Variants in TSEN15 observed in about 807,000 individuals in gnomAD.
The protein encoded by TSEN15 is tRNA splicing endonuclease subunit 15, also known as tRNA-splicing endonuclease subunit Sen15.
TSEN15 carries 10 observed loss-of-function variants against 20.5 expected under a neutral mutation model. The observed-to-expected ratio is 0.49, with a 90% confidence interval of 0.30 to 0.83. TSEN15 has a LOEUF of 0.83. Ranked by LOEUF, TSEN15 falls within the 40% of genes least tolerant of loss-of-function variation. The pLI is 0.06. For missense variants in TSEN15, 180 were observed against 218.6 expected, an observed-to-expected ratio of 0.82 and a Z score of 1.11; for synonymous variants, 72 against 80.1, an observed-to-expected ratio of 0.90 and a Z score of 0.54.
chr1:184,088,141 G>C (rs1651296623), intron 3 of TSEN15, among the ~76,000 whole-genome samples: 1 of 152,124 alleles, frequency 6.6e-6, no homozygotes, highest in Admixed American at 6.5e-5. Flanking sequence ...TGAGCTGTGG[G>C]CACCAGCCAG....
chr1:184,051,766 G>A lies in TSEN15; in HGVS notation c.11G>A (p.Arg4His). 6.7e-7 allele frequency: 1 copy of A among 1,494,528 alleles called. No homozygotes were observed. Among genetic ancestry groups the A allele is most frequent in the South Asian group, 1.3e-5 (1 of 78,890 alleles). 92.6% of individuals were successfully genotyped at this position (1,494,528 alleles called of 1,614,324 possible). MEE[R>H]GDSEPTPGCS... ...GCCGCACCGGCCGGCATGGAGGAGC[G>A]CGGCGATTCCGAGCCGACCCCCGGC... The change falls in exon 1 of 5, where the codon CGC becomes CAC. Residue 4 changes from arginine (R) to histidine (H), a missense_variant. Transcript: ENST00000645668.
chr1:184,070,726 G>A, intron 3 of TSEN15: 1 of 1,175,312 alleles, frequency 8.5e-7, no homozygotes, highest in Middle Eastern at 2.3e-4. Flanking sequence ...CTTCCCATCA[G>A]TGCTGAGTAA....
intron 3 of TSEN15, among the ~76,000 whole-genome samples, chr1:184,079,218 T>C (rs1185395801): frequency 1.3e-5 from 2 of 152,186 alleles, no homozygotes; most frequent in Admixed American, 1.3e-4. Context: ...GCTATTATAA[T>C]GTTTAAATGA....
At chr1:184,075,712 G>A (rs1374123236), downstream of TSEN15, among the ~76,000 whole-genome samples, 1 of 151,960 alleles carries the variant, frequency 6.6e-6, no homozygotes, top group Non-Finnish European at 1.5e-5. Context: ...TCAATCTGTA[G>A]GAAATAGCAT....
chr1:184,081,921 A>G (rs1245126908), intron 3 of TSEN15, among the ~76,000 whole-genome samples: 1 of 152,144 alleles, frequency 6.6e-6, no homozygotes, highest in Non-Finnish European at 1.5e-5. Flanking sequence ...TACACAGACT[A>G]TGTTGTCCTG....
intron 3 of TSEN15, among the ~76,000 whole-genome samples, chr1:184,083,703 C>CT (rs1159814714): frequency 9.2e-5 from 14 of 152,066 alleles, no homozygotes; most frequent in African/African-American, 3.4e-4. Flanking sequence ...AAGAATGTTG[C>CT]TTTTTTCTGG....
At chr1:184,062,747 T>G (rs974535927) in intron 3 of TSEN15, among the ~76,000 whole-genome samples, 12 of 152,000 alleles carry the variant, frequency 7.9e-5, no homozygotes, top group African/African-American at 2.9e-4. Flanking sequence ...GGGTTTTTTT[T>G]GTTTGTTTTT....
chr1:184,096,403 C>T (rs1480414760), exon 4 of TSEN15: 1 of 152,226 alleles, frequency 6.6e-6, no homozygotes, highest in Non-Finnish European at 1.5e-5. Context: ...GGAAGCAGGC[C>T]AGGTGGTTGG....
intron 3 of TSEN15, among the ~76,000 whole-genome samples, chr1:184,059,495 AT>A (rs1416244318): frequency 4.6e-5 from 7 of 152,184 alleles, no homozygotes; most frequent in African/African-American, 1.7e-4. Flanking sequence ...TGGTATTCTA[AT>A]GAATAGCCTT....
At chr1:184,056,940 A>T (rs1410503155) in intron 3 of TSEN15, among the ~76,000 whole-genome samples, 1 of 152,246 alleles carries the variant, frequency 6.6e-6, no homozygotes, top group African/African-American at 2.4e-5. Flanking sequence ...TCTTCTTTAG[A>T]AGCTGTAGCA....
intron 3 of TSEN15, chr1:184,093,975 A>G (rs1414175242): frequency 6.6e-6 from 1 of 152,108 alleles, no homozygotes; most frequent in Non-Finnish European, 1.5e-5. Flanking sequence ...GGTGTTCTGT[A>G]ATATCTGTCA....
intron 3 of TSEN15, among the ~76,000 whole-genome samples, chr1:184,063,609 TTTAG>T (rs1238193370): frequency 2.6e-5 from 4 of 152,182 alleles, no homozygotes; most frequent in African/African-American, 7.2e-5. Flanking sequence ...TCCGATGAAT[TTTAG>T]TTATTTTTTC....
intron 3 of TSEN15, 69 bp downstream of exon 3, chr1:184,054,932 G>A: frequency 2.0e-6 from 3 of 1,498,970 alleles, no homozygotes; most frequent in Non-Finnish European, 2.7e-6. Context: ...ACATAGTGAT[G>A]TAATACTTTT....
intron 3 of TSEN15, among the ~76,000 whole-genome samples, chr1:184,062,029 C>G (rs943244280): frequency 6.6e-6 from 1 of 151,890 alleles, no homozygotes; most frequent in Non-Finnish European, 1.5e-5. Context: ...TGTAATAGTC[C>G]TTATGAAAAT....
rs769371137 is a variant in TSEN15, at chr1:184,051,898, G to A, written c.135+8G>A. The A allele has an allele frequency of 2.0e-6, 3 of 1,532,320 alleles. No individual in the cohort carries two copies. The African/African-American group carries it at 4.2e-5, about 22-fold the overall frequency. 94.9% of individuals were successfully genotyped at this position (1,532,320 alleles called of 1,614,324 possible). On this transcript the variant is annotated splice_region_variant and intron_variant, in intron 1 of 4. Coordinates refer to ENST00000645668, the MANE Select transcript of TSEN15 (RefSeq NM_052965.4). ...ATGGGCACTCACCCTAAGGTCAGGAGGCGCGAGAGGAGCAGGGCGCCGTCC... is the reference window on the plus strand; with the variant it reads ...ATGGGCACTCACCCTAAGGTCAGGAAGCGCGAGAGGAGCAGGGCGCCGTCC...
rs576394155 is a variant in TSEN15, at chr1:184,087,668, T to G, written c.354-8022T>G. Among the ~76,000 whole-genome samples, 27 of 152,288 alleles carry G rather than the reference T, an allele frequency of 1.8e-4. 1 individual carries two copies. In the Middle Eastern group the frequency reaches 0.014, roughly 77 times the overall value. On this transcript the variant is annotated intron_variant, in intron 3 of 3. Transcript: ENST00000643231. ...TGAATGAGGTTAGTTACACTAAAGA[T>G]GGAGAGGAGCCGATGTATGAAAGAT... is the stretch of plus-strand genomic sequence containing the variant.
chr1:184,072,325 G>T, intron 4 of TSEN15, 27 bp downstream of exon 4: 2 of 1,576,952 alleles, frequency 1.3e-6, no homozygotes, highest in Non-Finnish European at 1.7e-6. Context: ...CTGACAGCAA[G>T]AAGTACAAAA....
exon 4 of TSEN15, chr1:184,096,653 A>C (rs531739411): frequency 1.3e-5 from 2 of 154,488 alleles, no homozygotes; most frequent in Admixed American, 1.3e-4. Flanking sequence ...TGGACAATTT[A>C]CAAAAGAAAG....
At chr1:184,062,173 A>G (rs1004264908) in intron 3 of TSEN15, among the ~76,000 whole-genome samples, 6 of 152,102 alleles carry the variant, frequency 3.9e-5, no homozygotes, top group African/African-American at 1.4e-4. Context: ...TGTTTCTCTC[A>G]TCTAAAAATA....
Sources: gnomAD v4.1 joint callset for allele counts (sites outside exome capture counted in the v4.1 genomes callset) on GRCh38, gnomAD v4.1.1 for gene constraint, MANE v1.5 for transcripts, NCBI Gene and HGNC (gene_info 2026-07-23, HGNC 2026-07-21) for gene names.